The following PLD1 variants were observed in gnomAD, a reference collection of about 807,000 sequenced individuals.
The protein encoded by PLD1 is phospholipase D1, also known as choline phosphatase 1.
PLD1 carries 112 observed loss-of-function variants against 137.1 expected under a neutral mutation model. The ratio of observed to expected loss-of-function variants is 0.82; its 90% CI spans 0.70 to 0.96. PLD1 has a LOEUF of 0.96. Ranked by LOEUF, PLD1 falls within the 40% of genes least tolerant of loss-of-function variation. PLD1 has a pLI of 0.00. For synonymous variants in PLD1, 431 were observed against 454.7 expected (o/e 0.95, Z 0.66); for missense variants, 1,321 against 1,342.0 (o/e 0.98, Z 0.24).
intron 1 of PLD1, among the ~76,000 whole-genome samples, chr3:171,765,669 C>G (rs1721935199): frequency 6.6e-6 from 1 of 152,164 alleles, no homozygotes; most frequent in South Asian, 2.1e-4. Flanking sequence ...GTGACTTGAT[C>G]TGTAAAATGA....
chr3:171,719,786 T>C (rs1044770072), intron 8 of PLD1, among the ~76,000 whole-genome samples: 1 of 152,224 alleles, frequency 6.6e-6, no homozygotes, highest in Non-Finnish European at 1.5e-5. Flanking sequence ...TGTTTTAGAT[T>C]GTAGGATCTC....
chr3:171,747,666 T>G (rs191121302), intron 1 of PLD1, among the ~76,000 whole-genome samples: 157 of 152,352 alleles, frequency 1.0e-3, no homozygotes, highest in African/African-American at 3.5e-3. Flanking sequence ...TTAACAGTAA[T>G]TTTTAAAAAG....
At chr3:171,802,541 G>A (rs939043663) in intron 1 of PLD1, among the ~76,000 whole-genome samples, 2 of 152,168 alleles carry the variant, frequency 1.3e-5, no homozygotes, top group Admixed American at 6.5e-5. Flanking sequence ...GCCCTAAGAT[G>A]GAACAAAGCT....
At chr3:171,635,773 T>A (rs1428535609) in intron 23 of PLD1, among the ~76,000 whole-genome samples, 1 of 151,974 alleles carries the variant, frequency 6.6e-6, no homozygotes, top group Admixed American at 6.6e-5. Context: ...AGCTTTCATG[T>A]TTGATGAAAT....
Position 171,618,162 on chromosome 3 carries a change from T to C in PLD1, c.2728+2224A>G, listed in dbSNP as rs373975286. Among the ~76,000 whole-genome samples the C allele has an allele frequency of 3.9e-5, 6 of 152,142 alleles. No individual in the cohort carries two copies. The South Asian group carries it at 6.2e-4, about 16-fold the overall frequency. Reference sequence around the variant, plus strand: ...CAAGGACTAGCAAGTAAGACCTCTTTAGACTCCCAGGGCCATATCCTCAGT... The same window carrying C: ...CAAGGACTAGCAAGTAAGACCTCTTCAGACTCCCAGGGCCATATCCTCAGT... On this transcript the variant is annotated intron_variant, in intron 24 of 26. Coordinates refer to ENST00000351298, the MANE Select transcript of PLD1 (RefSeq NM_002662.5).
intron 19 of PLD1, among the ~76,000 whole-genome samples, chr3:171,667,601 C>T (rs972584480): frequency 2.0e-5 from 3 of 152,172 alleles, no homozygotes; most frequent in Non-Finnish European, 4.4e-5. Flanking sequence ...GCTGTGGCAA[C>T]AGAAGGTGAT....
chr3:171,644,874 C>T (rs753747098), intron 22 of PLD1, 36 bp downstream of exon 22: 6 of 1,293,962 alleles, frequency 4.6e-6, no homozygotes, highest in Admixed American at 3.4e-5. Flanking sequence ...GATGCATGAC[C>T]GAAAGCTCAA....
At position 171,783,187 on chromosome 3, in the gene PLD1, G is replaced by A. The variant is rs190338670; in HGVS notation, c.-32+27212C>T. Among the ~76,000 whole-genome samples, 3 of 152,228 alleles carry A rather than the reference G, an allele frequency of 2.0e-5. No homozygotes were observed. The East Asian group carries it at 5.8e-4, about 29-fold the overall frequency. On this transcript the variant is annotated intron_variant, in intron 1 of 26. Transcript: ENST00000351298. ...GAGAGTGAGTTTACTAGGGAAGTAG[G>A]GTTGCCAGAGAGGGCTGAGTATCAG...
chr3:171,709,115 A>G (rs1013996493), intron 10 of PLD1, among the ~76,000 whole-genome samples: 1 of 152,216 alleles, frequency 6.6e-6, no homozygotes, highest in African/African-American at 2.4e-5. Context: ...TAATTTTCCT[A>G]TCCTGTTGAA....
intron 1 of PLD1, among the ~76,000 whole-genome samples, chr3:171,752,296 A>G (rs1464694706): frequency 6.6e-6 from 1 of 152,244 alleles, no homozygotes; most frequent in Non-Finnish European, 1.5e-5. Context: ...CAATAACTTT[A>G]GAAGAGTGGT....
chr3:171,753,452 T>C (rs1720801997), intron 1 of PLD1, among the ~76,000 whole-genome samples: 1 of 152,232 alleles, frequency 6.6e-6, no homozygotes, highest in Non-Finnish European at 1.5e-5. Context: ...GCAGGGCTTC[T>C]TAAGCAGCTT....
chr3:171,727,593 C>T (rs187808056), intron 6 of PLD1, among the ~76,000 whole-genome samples: 3 of 152,244 alleles, frequency 2.0e-5, no homozygotes, highest in African/African-American at 7.2e-5. Flanking sequence ...AGGAAGCAGA[C>T]GGGAGACCAG....
At chr3:171,789,547 A>G (rs1723141235) in intron 1 of PLD1, 1 of 152,232 alleles carries the variant, frequency 6.6e-6, no homozygotes, top group Admixed American at 6.5e-5. Flanking sequence ...TGTATACAAA[A>G]GACAAAAAAA....
chr3:171,666,040 G>A (rs1405127334), intron 19 of PLD1, among the ~76,000 whole-genome samples: 2 of 152,166 alleles, frequency 1.3e-5, no homozygotes, highest in Admixed American at 6.5e-5. Context: ...TGGAAAATAC[G>A]AATTTCCTTC....
intron 1 of PLD1, 147 bp from the exon 2 acceptor site, chr3:171,738,229 G>T: frequency 5.8e-6 from 2 of 345,442 alleles, no homozygotes; most frequent in Non-Finnish European, 5.2e-6. Flanking sequence ...CAACCTTTTA[G>T]TTTACGTTCC....
chr3:171,633,166 A>G (rs1734820707), intron 23 of PLD1, among the ~76,000 whole-genome samples: 1 of 150,166 alleles, frequency 6.7e-6, no homozygotes, highest in African/African-American at 2.5e-5. Flanking sequence ...CGGAAAGAAG[A>G]AAAAACAAAT....
chr3:171,698,280 G>C (rs753467855), intron 12 of PLD1, among the ~76,000 whole-genome samples: 1 of 152,164 alleles, frequency 6.6e-6, no homozygotes, highest in African/African-American at 2.4e-5. Flanking sequence ...GTAACCGTAT[G>C]ATGAATTATT....
At chr3:171,616,345 T>G (rs1733111303) in intron 24 of PLD1, among the ~76,000 whole-genome samples, 1 of 152,228 alleles carries the variant, frequency 6.6e-6, no homozygotes, top group Admixed American at 6.5e-5. Context: ...TTATTTTGTG[T>G]GTCTCACTTA....
chr3:171,682,724 G>T (rs1714138967), intron 16 of PLD1, among the ~76,000 whole-genome samples: 2 of 152,064 alleles, frequency 1.3e-5, no homozygotes, highest in Non-Finnish European at 1.5e-5. Context: ...AGATACAAGT[G>T]GGATTGTTCT....
Sources: allele counts gnomAD v4.1 joint callset (sites outside exome capture counted in the v4.1 genomes callset), GRCh38; gene constraint gnomAD v4.1.1; transcripts MANE v1.5; gene names NCBI Gene and HGNC (gene_info 2026-07-23, HGNC 2026-07-21).